Variants in GARNL3 observed in about 807,000 individuals in gnomAD.
GARNL3 encodes the protein GTPase-activating Rap/Ran-GAP domain-like protein 3.
In GARNL3, 63 loss-of-function variants were observed where a neutral mutation model predicts 125.0. The observed-to-expected ratio is 0.50, with a 90% confidence interval of 0.41 to 0.62. The LOEUF (loss-of-function observed/expected upper bound fraction) is 0.62. Among genes scored for constraint, GARNL3 ranks in the 20% least tolerant of loss-of-function variants. The pLI is 0.00. For missense variants in GARNL3, 994 were observed against 1,244.0 expected, an observed-to-expected ratio of 0.80 and a Z score of 3.02; for synonymous variants, 439 against 457.5, an observed-to-expected ratio of 0.96 and a Z score of 0.52.
chr9:127,386,311 C>T (rs1195646961), intron 24 of GARNL3, among the ~76,000 whole-genome samples: 1 of 152,254 alleles, frequency 6.6e-6, no homozygotes, highest in East Asian at 1.9e-4. Flanking sequence ...AGACTAAACA[C>T]ACTTCTACGT....
At chr9:127,247,894 C>T (rs1035619971) in intron 2 of GARNL3, among the ~76,000 whole-genome samples, 3 of 152,104 alleles carry the variant, frequency 2.0e-5, no homozygotes, top group Admixed American at 1.3e-4. Flanking sequence ...TTTTTTCGTA[C>T]TCATTAATTA....
chr9:127,300,866 TA>T, intron 2 of GARNL3: 1 of 312,750 alleles, frequency 3.2e-6, no homozygotes, highest in South Asian at 2.8e-5. Flanking sequence ...AGCCTGTTGG[TA>T]ATGAACAGAC....
intron 21 of GARNL3, chr9:127,363,551 G>C (rs1323275440): frequency 6.6e-6 from 1 of 152,344 alleles, no homozygotes; most frequent in Non-Finnish European, 1.5e-5. Context: ...AGACCTTTTA[G>C]AGGTGAAGGC....
intron 1 of GARNL3, among the ~76,000 whole-genome samples, chr9:127,288,274 T>C (rs2064310937): frequency 6.6e-6 from 1 of 151,996 alleles, no homozygotes; most frequent in Admixed American, 6.6e-5. Flanking sequence ...AACTGAAGGA[T>C]GAGTAGTAGG....
At chr9:127,340,347 G>A (rs115333950) in intron 13 of GARNL3, among the ~76,000 whole-genome samples, 1,917 of 152,154 alleles carry the variant, frequency 0.013, 34 homozygotes, top group African/African-American at 0.041. Context: ...AGAGCTCTGC[G>A]CATCCCTCCT....
At chr9:127,230,978 G>A (rs7858388) in intron 1 of GARNL3, among the ~76,000 whole-genome samples, 11 of 132,374 alleles carry the variant, frequency 8.3e-5, no homozygotes, top group Admixed American at 4.5e-4. Context: ...GTGTGTGTGT[G>A]TATACACATA....
intron 2 of GARNL3, among the ~76,000 whole-genome samples, chr9:127,252,586 A>G (rs1349968981): frequency 1.3e-5 from 2 of 152,244 alleles, no homozygotes; most frequent in Non-Finnish European, 2.9e-5. Context: ...TTATTGCCTA[A>G]GATCAAGCAG....
intron 2 of GARNL3, among the ~76,000 whole-genome samples, chr9:127,311,182 A>G (rs2065086183): frequency 6.6e-6 from 1 of 152,084 alleles, no homozygotes; most frequent in Non-Finnish European, 1.5e-5. Flanking sequence ...ACAAAACTGT[A>G]TATTCAATAT....
chr9:127,363,481 C>G (rs1831122360), intron 21 of GARNL3: 1 of 152,496 alleles, frequency 6.6e-6, no homozygotes, highest in South Asian at 2.1e-4. Flanking sequence ...GGAAGGGGCA[C>G]CCAAGCCCAG....
intron 1 of GARNL3, among the ~76,000 whole-genome samples, chr9:127,273,055 A>G: frequency 6.6e-6 from 1 of 152,098 alleles, no homozygotes; most frequent in East Asian, 1.9e-4. Flanking sequence ...TCTCTGTTGA[A>G]TACTGTAGAT....
intron 2 of GARNL3, among the ~76,000 whole-genome samples, chr9:127,304,859 A>G (rs1209679426): frequency 5.3e-5 from 8 of 152,118 alleles, no homozygotes; most frequent in Non-Finnish European, 1.2e-4. Context: ...CTTAATAGCC[A>G]AAAACCAGAA....
At chr9:127,352,605 C>T (rs1830475068) in intron 17 of GARNL3, among the ~76,000 whole-genome samples, 1 of 152,112 alleles carries the variant, frequency 6.6e-6, no homozygotes. Flanking sequence ...TACATTTGCC[C>T]CAGTAATTGA....
At chr9:127,276,904 A>G (rs778909111) in intron 1 of GARNL3, among the ~76,000 whole-genome samples, 37 of 152,228 alleles carry the variant, frequency 2.4e-4, no homozygotes, top group African/African-American at 8.7e-4. Flanking sequence ...ATGAGGTGGG[A>G]GTACTGTTAT....
chr9:127,332,711 G>C (rs191022089), intron 8 of GARNL3, among the ~76,000 whole-genome samples: 1 of 152,064 alleles, frequency 6.6e-6, no homozygotes, highest in Non-Finnish European at 1.5e-5. Context: ...AGCACTTTTC[G>C]TGTTAAATAC....
rs763070711 is a variant in GARNL3, at chr9:127,313,441, T to C, written c.320T>C (p.Val107Ala). ...RWYFKYFLGQ[V>A]HQNYIGNDAE... is the part of the protein sequence containing the mutation. The stretch of plus-strand genomic sequence containing the variant: ...ACTGTTCTAAACCTTTCTTTTCCAG[T>C]CCATCAGAACTACATTGGAAACGAT... The change falls in exon 4 of 28, where the codon GTC becomes GCC. Residue 107 changes from valine (V) to alanine (A), a missense_variant and splice_region_variant. By Grantham distance (64) the Val-to-Ala change is moderately conservative. This residue lies in a region of GARNL3 where 139 missense variants were observed against 231.6 expected (regional missense o/e 0.60). Coordinates refer to ENST00000373387, the MANE Select transcript of GARNL3 (RefSeq NM_032293.5). The C allele has an allele frequency of 2.5e-6, 4 of 1,608,212 alleles. No homozygotes were observed. The African/African-American group carries it at 5.3e-5, about 21-fold the overall frequency.
Position 127,365,252 on chromosome 9 carries a change from A to G in GARNL3, c.2095-48A>G, listed in dbSNP as rs775831374. On this transcript the variant is annotated intron_variant, in intron 21 of 27. Transcript: ENST00000373387. ...TCACAACTTGTAAAAGTCTTTTCAC[A>G]GGGTCAGCATCCAGCCTGCCCACTA... The G allele has an allele frequency of 5.4e-6, 8 of 1,488,762 alleles. No homozygotes were observed. In the East Asian group the frequency reaches 1.4e-4, roughly 25 times the overall value. The allele number at this position is 1,488,762 out of a possible 1,614,324, so 92.2% of individuals were successfully genotyped here. A position where few individuals can be genotyped will look rare whatever the true frequency, so the allele number is the denominator to read the frequency against.
upstream of GARNL3, among the ~76,000 whole-genome samples, chr9:127,260,432 C>A (rs1224231258): frequency 6.6e-6 from 1 of 152,246 alleles, no homozygotes; most frequent in Non-Finnish European, 1.5e-5. Flanking sequence ...ACTCTAAAGT[C>A]TGAGGAACAT....
chr9:127,348,911 T>C lies in GARNL3; in HGVS notation c.1432-13T>C. 6.3e-7 allele frequency: 1 copy of C among 1,582,280 alleles called. No individual in the cohort carries two copies. The highest frequency in any genetic ancestry group is 8.7e-7 in the Non-Finnish European group (1 of 1,155,444). ...TGGTGCACTTATCTTCCGATGCTTG[T>C]ATTGCCTCACAGCCGTGGGAGCCCC... On this transcript the variant is annotated splice_polypyrimidine_tract_variant and intron_variant, in intron 16 of 27. Transcript: ENST00000373387.
intron 25 of GARNL3, among the ~76,000 whole-genome samples, chr9:127,387,821 G>A (rs1488039931): frequency 1.3e-5 from 2 of 150,420 alleles, no homozygotes; most frequent in African/African-American, 4.9e-5. Context: ...TGATAACAAC[G>A]ACAAAACTCC....
Sources: gnomAD v4.1 joint callset for allele counts (sites outside exome capture counted in the v4.1 genomes callset) on GRCh38, gnomAD v4.1.1 for gene constraint, gnomAD v4.1.1 regional missense constraint, MANE v1.5 for transcripts, NCBI Gene and HGNC (gene_info 2026-07-23, HGNC 2026-07-21) for gene names.